Variants in IQGAP2 observed in about 807,000 individuals in gnomAD.
The protein encoded by IQGAP2 is IQ motif containing GTPase activating protein 2, also known as ras GTPase-activating-like protein IQGAP2.
In IQGAP2, 173 loss-of-function variants were observed where a neutral mutation model predicts 201.3. That is an observed-to-expected ratio of 0.86 (90% confidence interval 0.76 to 0.98). IQGAP2 has a LOEUF of 0.98. IQGAP2 is among the 50% of genes least tolerant of loss of function. The pLI is 0.00. For synonymous variants in IQGAP2, 675 were observed against 673.9 expected, an observed-to-expected ratio of 1.00 and a Z score of -0.03; for missense variants, 1,687 against 1,864.8, an observed-to-expected ratio of 0.90 and a Z score of 1.76.
intron 30 of IQGAP2, among the ~76,000 whole-genome samples, chr5:76,689,538 G>C (rs1033361435): frequency 6.6e-6 from 1 of 152,084 alleles, no homozygotes; most frequent in Non-Finnish European, 1.5e-5. Flanking sequence ...ATTAAGCTTA[G>C]TTTCCCACAA....
chr5:76,664,883 A>G (rs1028012917), intron 21 of IQGAP2, 143 bp from the exon 22 acceptor site: 1 of 556,948 alleles, frequency 1.8e-6, no homozygotes, highest in Non-Finnish European at 3.2e-6. Context: ...AAAATGCGGT[A>G]TCTGTGAAGC....
intron 13 of IQGAP2, among the ~76,000 whole-genome samples, chr5:76,619,996 GA>G (rs1749479013): frequency 6.6e-6 from 1 of 152,062 alleles, no homozygotes; most frequent in African/African-American, 2.4e-5. Context: ...GCAGATTCTA[GA>G]AGCTGAAAAA....
intron 2 of IQGAP2, among the ~76,000 whole-genome samples, chr5:76,497,574 TTACAC>T (rs1180530483): frequency 6.6e-6 from 1 of 152,252 alleles, no homozygotes; most frequent in Non-Finnish European, 1.5e-5. Context: ...TGGATTGTTC[TTACAC>T]TGGCATTCTT....
At chr5:76,404,711 T>C (rs1750700944) in intron 1 of IQGAP2, among the ~76,000 whole-genome samples, 1 of 152,222 alleles carries the variant, frequency 6.6e-6, no homozygotes, top group East Asian at 1.9e-4. Context: ...TTATCTTTCC[T>C]GTGTTACCCT....
At chr5:76,426,905 G>GGTGT (rs141560559) in intron 1 of IQGAP2, among the ~76,000 whole-genome samples, 19,849 of 146,586 alleles carry the variant, frequency 0.14, 2,347 homozygotes, top group African/African-American at 0.32. Context: ...AACCATGGAG[G>GGTGT]GTGTGTGTGT....
intron 2 of IQGAP2, among the ~76,000 whole-genome samples, chr5:76,543,216 C>T (rs17652073): frequency 2.6e-5 from 4 of 151,776 alleles, no homozygotes; most frequent in African/African-American, 7.2e-5. Flanking sequence ...TACTGCTGCT[C>T]AAGCCATATT....
chr5:76,562,610 T>G, intron 3 of IQGAP2, 58 bp downstream of exon 3: 1 of 1,445,390 alleles, frequency 6.9e-7, no homozygotes, highest in Non-Finnish European at 9.6e-7. Context: ...TGGTATTTCA[T>G]ATCCTCTCCC....
chr5:76,695,608 A>C lies in IQGAP2; in HGVS notation c.4148A>C (p.Gln1383Pro). 1 of 1,614,230 alleles carries C rather than the reference A, an allele frequency of 6.2e-7. No homozygotes were observed. Among genetic ancestry groups the C allele is most frequent in the Non-Finnish European group, 8.5e-7 (1 of 1,180,034 alleles). Reference sequence around the variant, plus strand: ...CAGAGGAATCTTCGGACGTTGGAACAGACTGGACACGTGTCATCCGAAAAT... The same window carrying C: ...CAGAGGAATCTTCGGACGTTGGAACCGACTGGACACGTGTCATCCGAAAAT... ...KIQRNLRTLE[Q>P]TGHVSSENKY... Residue 1383 changes from glutamine to proline, a missense_variant, in exon 32 of 36, where the codon CAG becomes CCG. Physicochemically the swap from Gln to Pro is moderately conservative, Grantham distance 76. Transcript: ENST00000274364.
rs1561518620 is a variant in IQGAP2, at chr5:76,619,514, C to CCT, written c.1522-7896_1522-7895insCT. ...CAGATCTAACTTAGTTAAGGATCTT[C>CCT]TTTTTTTTTTTTTTTTTTTTTTGAG... On this transcript the variant is annotated intron_variant, in intron 13 of 35. Transcript: ENST00000274364. Among the ~76,000 whole-genome samples, 130 of 104,226 alleles carry CCT rather than the reference C, an allele frequency of 1.2e-3. 15 individuals are homozygous for CCT. Among genetic ancestry groups the CCT allele is most frequent in the South Asian group, 1.7e-3 (5 of 2,908 alleles). 68.4% of individuals were successfully genotyped at this position (104,226 alleles called of 152,430 possible). A position where few individuals can be genotyped will look rare whatever the true frequency, so the allele number is the denominator to read the frequency against.
chr5:76,411,593 G>A (rs1031735679), intron 1 of IQGAP2, among the ~76,000 whole-genome samples: 4 of 152,146 alleles, frequency 2.6e-5, no homozygotes, highest in Admixed American at 2.0e-4. Flanking sequence ...AAAAGGATGA[G>A]TTCAGCCTCC....
intron 2 of IQGAP2, among the ~76,000 whole-genome samples, chr5:76,527,624 T>C (rs1246622386): frequency 6.6e-6 from 1 of 152,232 alleles, no homozygotes; most frequent in Non-Finnish European, 1.5e-5. Flanking sequence ...TCTATAATTG[T>C]CGTATTAATC....
chr5:76,409,540 C>T (rs1241802865), intron 1 of IQGAP2, among the ~76,000 whole-genome samples: 1 of 152,076 alleles, frequency 6.6e-6, no homozygotes, highest in Non-Finnish European at 1.5e-5. Flanking sequence ...AGCCACCATG[C>T]CCAGCCTTAC....
At chr5:76,706,056 T>A (rs1689771) in intron 35 of IQGAP2, among the ~76,000 whole-genome samples, 117,099 of 152,194 alleles carry the variant, frequency 0.77, 45,197 homozygotes, top group African/African-American at 0.83. Flanking sequence ...AGTAGCCTAG[T>A]TCAAGAAGTG....
At chr5:76,667,757 TTTCCACATTGTAAATGTA>T (rs1743910882) in intron 22 of IQGAP2, among the ~76,000 whole-genome samples, 3 of 152,224 alleles carry the variant, frequency 2.0e-5, no homozygotes, top group Admixed American at 1.3e-4. Flanking sequence ...CATTTTGCTG[TTTCCACATTGTAAATGTA>T]TTCTTTTCTT....
At chr5:76,622,292 A>G (rs567927991) in intron 13 of IQGAP2, among the ~76,000 whole-genome samples, 16 of 152,314 alleles carry the variant, frequency 1.1e-4, no homozygotes, top group African/African-American at 3.8e-4. Context: ...AAGAGCGTGC[A>G]CTTATTATAT....
chr5:76,622,682 C>CA (rs2150366258), intron 13 of IQGAP2, among the ~76,000 whole-genome samples: 1 of 152,116 alleles, frequency 6.6e-6, no homozygotes, highest in African/African-American at 2.4e-5. Context: ...CACTTAAAGT[C>CA]AAAAAAGGTC....
At chr5:76,559,323 A>G (rs1183729451) in intron 2 of IQGAP2, among the ~76,000 whole-genome samples, 1 of 152,056 alleles carries the variant, frequency 6.6e-6, no homozygotes, top group Non-Finnish European at 1.5e-5. Flanking sequence ...ACATCTCACA[A>G]TGGGAAAGGC....
At chr5:76,520,976 G>T (rs1276986941) in intron 2 of IQGAP2, among the ~76,000 whole-genome samples, 2 of 151,982 alleles carry the variant, frequency 1.3e-5, no homozygotes, top group Non-Finnish European at 2.9e-5. Flanking sequence ...CAAAGTACTG[G>T]GATTACAGGC....
At chr5:76,413,189 G>T (rs1365540708) in intron 1 of IQGAP2, among the ~76,000 whole-genome samples, 3 of 72,634 alleles carry the variant, frequency 4.1e-5, no homozygotes, top group Admixed American at 2.1e-4. Flanking sequence ...TTTTTTTTGC[G>T]ATGGAGTCTC....
Sources: allele counts gnomAD v4.1 joint callset (sites outside exome capture counted in the v4.1 genomes callset), GRCh38; gene constraint gnomAD v4.1.1; transcripts MANE v1.5; gene names NCBI Gene and HGNC (gene_info 2026-07-23, HGNC 2026-07-21).